The following MMUT variants were observed in gnomAD, a reference collection of about 807,000 sequenced individuals.
MMUT encodes the protein methylmalonyl-CoA mutase.
A neutral mutation model predicts 79.9 loss-of-function variants in MMUT; 79 were observed. The ratio of observed to expected loss-of-function variants is 0.99; its 90% CI spans 0.82 to 1.19. The LOEUF (loss-of-function observed/expected upper bound fraction) is 1.19. Ranked by LOEUF, MMUT falls within the 50% of genes most tolerant of loss-of-function variation. The pLI is 0.00. For synonymous variants in MMUT, 273 were observed against 295.7 expected, an observed-to-expected ratio of 0.92 and a Z score of 0.79; for missense variants, 860 against 917.2, an observed-to-expected ratio of 0.94 and a Z score of 0.81.
intron 1 of MMUT, among the ~76,000 whole-genome samples, chr6:49,462,590 G>A (rs1311039693): frequency 2.6e-5 from 4 of 152,158 alleles, no homozygotes; most frequent in Non-Finnish European, 5.9e-5. Context: ...AAGCTTTTAT[G>A]TCAATTTAGA....
At chr6:49,449,425 T>C (rs1191054228) in intron 6 of MMUT, among the ~76,000 whole-genome samples, 1 of 152,188 alleles carries the variant, frequency 6.6e-6, no homozygotes, top group Admixed American at 6.5e-5. Context: ...AAGGTCAACC[T>C]GCTTTTCCCT....
At chr6:49,435,671 T>C in intron 11 of MMUT, 48 bp from the exon 12 acceptor site, 6 of 1,573,880 alleles carry the variant, frequency 3.8e-6, no homozygotes, top group Non-Finnish European at 5.2e-6. Flanking sequence ...TACTAGATAA[T>C]GACTATAAAA....
chr6:49,442,708 G>A (rs550129465), intron 9 of MMUT, among the ~76,000 whole-genome samples: 10 of 152,146 alleles, frequency 6.6e-5, no homozygotes, highest in East Asian at 3.9e-4. Context: ...AAAACAGTAA[G>A]AGTGTTTGAA....
chr6:49,443,860 T>A, intron 9 of MMUT: 1 of 400,132 alleles, frequency 2.5e-6, no homozygotes, highest in Admixed American at 2.9e-5. Flanking sequence ...ACTCAGCCTT[T>A]TTTAAATGCA....
intron 6 of MMUT, 135 bp downstream of exon 6, chr6:49,451,326 TTTAAA>T (rs1767544781): frequency 2.0e-6 from 2 of 1,019,370 alleles, no homozygotes; most frequent in Non-Finnish European, 2.7e-6. Flanking sequence ...GCAAACATCG[TTTAAA>T]TTATTATATA....
intron 12 of MMUT, among the ~76,000 whole-genome samples, 173 bp downstream of exon 12, chr6:49,435,283 T>C (rs2127413274): frequency 6.6e-6 from 1 of 152,316 alleles, no homozygotes; most frequent in Middle Eastern, 3.4e-3. Context: ...AATTGCAATA[T>C]AACTTGAATG....
chr6:49,449,502 A>G (rs983146547), intron 6 of MMUT, among the ~76,000 whole-genome samples: 1 of 152,286 alleles, frequency 6.6e-6, no homozygotes, highest in Admixed American at 6.5e-5. Context: ...GCTAAAAAGA[A>G]GAAGACAATT....
At chr6:49,461,412 G>GT (rs1561960902) in intron 1 of MMUT, among the ~76,000 whole-genome samples, 3 of 152,182 alleles carry the variant, frequency 2.0e-5, no homozygotes, top group Admixed American at 1.3e-4. Flanking sequence ...CTCAAGACAC[G>GT]TAATTGTAAG....
chr6:49,453,192 C>T (rs1050749754), intron 5 of MMUT, among the ~76,000 whole-genome samples: 1 of 151,766 alleles, frequency 6.6e-6, no homozygotes, highest in Non-Finnish European at 1.5e-5. Context: ...TAGGCATGCA[C>T]CACCACGCCC....
chr6:49,455,119 A>G (rs1283364697), intron 4 of MMUT, among the ~76,000 whole-genome samples: 1 of 151,118 alleles, frequency 6.6e-6, no homozygotes, highest in Non-Finnish European at 1.5e-5. Context: ...AAAAATAAGT[A>G]TGCTTCTTAA....
At chr6:49,438,111 A>T (rs1483942499) in intron 11 of MMUT, among the ~76,000 whole-genome samples, 1 of 145,042 alleles carries the variant, frequency 6.9e-6, no homozygotes, top group Non-Finnish European at 1.5e-5. Context: ...TGTAACCTCG[A>T]GGACAAAATT....
intron 8 of MMUT, 139 bp downstream of exon 8, chr6:49,447,531 T>TTACATTTGAAA: frequency 1.6e-6 from 1 of 623,290 alleles, no homozygotes; most frequent in Non-Finnish European, 2.9e-6. Context: ...TTTAGTTCCC[T>TTACATTTGAAA]TACATTTGAA....
chr6:49,454,161 A>G (rs1049256732), intron 4 of MMUT, among the ~76,000 whole-genome samples: 2 of 152,216 alleles, frequency 1.3e-5, no homozygotes, highest in Admixed American at 6.5e-5. Flanking sequence ...TTGTAAAAGA[A>G]TGATTGTGCA....
rs1216888571 is a variant in MMUT, at chr6:49,460,123, C to T, written c.-39-618G>A. ...TTTTCTGAATTTGCTCTTGCTCTTC[C>T]TTCTGCCTAAAATGTTCTTCTCTGG... On this transcript the variant is annotated intron_variant, in intron 1 of 12. Transcript: ENST00000274813. Among the ~76,000 whole-genome samples the T allele has an allele frequency of 2.6e-5, 4 of 152,194 alleles. No homozygotes were observed. The East Asian group carries it at 7.7e-4, about 29-fold the overall frequency.
At chr6:49,460,204 T>C (rs1358406778) in intron 1 of MMUT, among the ~76,000 whole-genome samples, 1 of 152,216 alleles carries the variant, frequency 6.6e-6, no homozygotes, top group Non-Finnish European at 1.5e-5. Flanking sequence ...GCCAGTAACA[T>C]AGAAGGCTAT....
Position 49,451,561 on chromosome 6 carries a change from G to C in MMUT, c.1237C>G (p.Gln413Glu). The change falls in exon 6 of 13, where the codon CAA becomes GAA. Residue 413 changes from glutamine (Q) to glutamate (E), a missense_variant. Gln to Glu is a conservative substitution (Grantham distance 29). Coordinates refer to ENST00000274813, the MANE Select transcript of MMUT (RefSeq NM_000255.4). ...ACTTTGGGAATCCCAGATTCTTCTT[G>C]AATGATGATTTGTGTGTTCCTGGCA... The part of the protein sequence containing the change: ...RIARNTQIII[Q>E]EESGIPKVAD... 6.2e-7 allele frequency: 1 copy of C among 1,614,090 alleles called. No individual in the cohort carries two copies. Among genetic ancestry groups the C allele is most frequent in the Non-Finnish European group, 8.5e-7 (1 of 1,179,992 alleles).
chr6:49,433,811 T>A (rs1767051178), intron 12 of MMUT, among the ~76,000 whole-genome samples: 1 of 152,182 alleles, frequency 6.6e-6, no homozygotes, highest in East Asian at 1.9e-4. Context: ...ATTTTACATA[T>A]TCACTGCAAA....
chr6:49,456,331 G>A (rs1412836944), intron 3 of MMUT, 94 bp from the exon 4 acceptor site: 5 of 880,102 alleles, frequency 5.7e-6, no homozygotes, highest in Non-Finnish European at 9.1e-6. Flanking sequence ...ATTTTAAAAT[G>A]ATGTTAAATT....
chr6:49,435,589 G>T lies in MMUT; in HGVS notation c.1991C>A (p.Ala664Glu). The change falls in exon 12 of 13, where the codon GCG becomes GAG. Residue 664 changes from alanine (A) to glutamate (E), a missense_variant. By Grantham distance (107) the Ala-to-Glu change is moderately radical. Coordinates refer to ENST00000274813, the MANE Select transcript of MMUT (RefSeq NM_000255.4). ...PREVAQQAVD[A>E]DVHAVGISTL... ...GCTTATGCCCACAGCATGCACATCC[G>T]CATCCACAGCCTGCTGGGCCACTTC... 6.2e-7 allele frequency: 1 copy of T among 1,613,806 alleles called. No individual in the cohort carries two copies. Among genetic ancestry groups the T allele is most frequent in the Non-Finnish European group, 8.5e-7 (1 of 1,179,922 alleles).
Sources: allele counts gnomAD v4.1 joint callset (sites outside exome capture counted in the v4.1 genomes callset), GRCh38; gene constraint gnomAD v4.1.1; transcripts MANE v1.5; gene names NCBI Gene and HGNC (gene_info 2026-07-23, HGNC 2026-07-21).